TMEM165: variants seen among roughly 807,000 people sequenced by gnomAD.
TMEM165 encodes the protein transmembrane protein 165.
In TMEM165, 19 loss-of-function variants were observed where a neutral mutation model predicts 30.0. The ratio of observed to expected loss-of-function variants is 0.63; its 90% CI spans 0.44 to 0.93. The LOEUF (loss-of-function observed/expected upper bound fraction) is 0.93, where lower values mean the gene tolerates loss of function less well. TMEM165 is among the 40% of genes least tolerant of loss of function. TMEM165 has a pLI of 0.00. For synonymous variants in TMEM165, 168 were observed against 162.9 expected (o/e 1.03, Z -0.24); for missense variants, 340 against 417.0 (o/e 0.82, Z 1.61).
intron 1 of TMEM165, among the ~76,000 whole-genome samples, chr4:55,408,523 A>G (rs1004193425): frequency 1.8e-4 from 28 of 152,218 alleles, no homozygotes; most frequent in Non-Finnish European, 1.2e-4. Flanking sequence ...AAAACATAGA[A>G]AAGGTAAAGT....
Position 55,425,742 on chromosome 4 carries a change from T to C in TMEM165, c.*290T>C. On this transcript the variant is annotated 3_prime_UTR_variant, in exon 6 of 6. Coordinates refer to ENST00000381334, the MANE Select transcript of TMEM165 (RefSeq NM_018475.5). ...AACCGTTGTGCAGTGGGGTCTACCA[T>C]GCAATTTTCTTTCAGCACTGACCCC... 1 of 220,130 alleles carries C rather than the reference T, an allele frequency of 4.5e-6. No homozygotes were observed. Among genetic ancestry groups the C allele is most frequent in the Non-Finnish European group, 8.8e-6 (1 of 113,452 alleles). 13.6% of individuals were successfully genotyped at this position (220,130 alleles called of 1,614,324 possible).
intron 3 of TMEM165, chr4:55,435,718 T>G (rs1388400967): frequency 3.9e-5 from 37 of 951,686 alleles, no homozygotes; most frequent in Non-Finnish European, 5.8e-5. Flanking sequence ...TGCATATCAC[T>G]TTCACTCTCT....
intron 3 of TMEM165, chr4:55,434,428 C>T (rs1313714692): frequency 6.6e-6 from 1 of 152,548 alleles, no homozygotes; most frequent in East Asian, 1.9e-4. Flanking sequence ...AAACCATTTA[C>T]GCAAATATTT....
At position 55,425,599 on chromosome 4, in the gene TMEM165, T is replaced by C. The variant is rs1242908333; in HGVS notation, c.*147T>C. The C allele has an allele frequency of 5.0e-6, 3 of 602,602 alleles. No homozygotes were observed. The highest frequency in any genetic ancestry group is 4.6e-5 in the South Asian group (2 of 43,038). 37.3% of individuals were successfully genotyped at this position (602,602 alleles called of 1,614,324 possible). On this transcript the variant is annotated 3_prime_UTR_variant, in exon 6 of 6. Transcript: ENST00000381334. ...TTGACCCATTATTATGTCTGAGATA[T>C]AATCATTGATTCTATTTGTAACAAG...
chr4:55,425,323 G>A, intron 5 of TMEM165, 53 bp from the exon 6 acceptor site: 2 of 1,450,552 alleles, frequency 1.4e-6, no homozygotes, highest in Admixed American at 1.7e-5. Context: ...ATTTTGTACA[G>A]TATCAAGGTA....
intron 3 of TMEM165, among the ~76,000 whole-genome samples, chr4:55,436,958 GA>G (rs1456978960): frequency 7.7e-6 from 1 of 130,714 alleles, no homozygotes; most frequent in Non-Finnish European, 1.6e-5. Context: ...GACATACTTA[GA>G]AGACTGAGAT....
At chr4:55,404,842 GTGTA>G (rs1161587431) in intron 1 of TMEM165, among the ~76,000 whole-genome samples, 4 of 152,164 alleles carry the variant, frequency 2.6e-5, no homozygotes, top group African/African-American at 9.7e-5. Flanking sequence ...TCCATCTCAG[GTGTA>G]TGAACTTGGC....
At position 55,438,490 on chromosome 4, in the gene TMEM165, A is replaced by G; in HGVS notation, c.409-13749A>G. On this transcript the variant is annotated intron_variant, in intron 3 of 3. Coordinates refer to the TMEM165 transcript ENST00000608091. ...AGGTACCATGACTGCCCCACAAGCT[A>G]CAGGAGCAGTCACTAATTTGGTCAC... The G allele has an allele frequency of 1.9e-6, 3 of 1,613,830 alleles. No homozygotes were observed. The Admixed American group carries it at 5.0e-5, about 27-fold the overall frequency.
intron 1 of TMEM165, among the ~76,000 whole-genome samples, chr4:55,401,556 T>C (rs1289171753): frequency 6.6e-6 from 1 of 150,690 alleles, no homozygotes; most frequent in Non-Finnish European, 1.5e-5. Context: ...GTTATCATAT[T>C]TTTACTTTAT....
At chr4:55,402,457 T>C (rs1253924014) in intron 1 of TMEM165, among the ~76,000 whole-genome samples, 8 of 86,318 alleles carry the variant, frequency 9.3e-5, no homozygotes, top group Non-Finnish European at 1.8e-4. Context: ...TTTTTTTTTT[T>C]TTTTTTTTTT....
chr4:55,414,219 G>A (rs1041794391), intron 2 of TMEM165, among the ~76,000 whole-genome samples: 42 of 150,956 alleles, frequency 2.8e-4, no homozygotes, highest in African/African-American at 2.2e-4. Flanking sequence ...GTAGTGAGCC[G>A]AGATTGTGCC....
intron 4 of TMEM165, among the ~76,000 whole-genome samples, chr4:55,422,494 G>A (rs1369526533): frequency 6.6e-6 from 1 of 152,110 alleles, no homozygotes; most frequent in African/African-American, 2.4e-5. Flanking sequence ...CCAACCTCAG[G>A]TGATCTGCCT....
intron 2 of TMEM165, chr4:55,412,133 G>A (rs958398912): frequency 9.8e-6 from 4 of 409,320 alleles, no homozygotes; most frequent in Non-Finnish European, 1.8e-5. Flanking sequence ...AGTCACTCAC[G>A]CCTGTAATCC....
At chr4:55,448,836 T>C in intron 3 of TMEM165, 1 of 1,613,950 alleles carries the variant, frequency 6.2e-7, no homozygotes, top group Non-Finnish European at 8.5e-7. Context: ...CTGGCTGTGT[T>C]AATGATGAAC....
At chr4:55,420,146 T>TATATATATATATATATATATA (rs375498267) in intron 4 of TMEM165, among the ~76,000 whole-genome samples, 1 of 41,614 alleles carries the variant, frequency 2.4e-5, no homozygotes, top group Non-Finnish European at 4.2e-5. Flanking sequence ...TATTTATTTA[T>TATATATATATATATATATATA]TTTATTTATT....
At chr4:55,428,541 T>C (rs1376109106), downstream of TMEM165, 1 of 152,210 alleles carries the variant, frequency 6.6e-6, no homozygotes, top group East Asian at 1.9e-4. Context: ...TGGATTTCAA[T>C]TAAATCTTTG....
At chr4:55,449,866 C>T (rs1249891246) in intron 3 of TMEM165, among the ~76,000 whole-genome samples, 2 of 152,118 alleles carry the variant, frequency 1.3e-5, no homozygotes, top group Non-Finnish European at 2.9e-5. Context: ...TTAAAAACAT[C>T]ACCATCACCA....
At chr4:55,438,251 T>A (rs1431520629) in intron 3 of TMEM165, 11 of 1,613,336 alleles carry the variant, frequency 6.8e-6, no homozygotes, top group Non-Finnish European at 8.5e-6. Flanking sequence ...AGTAAATGAG[T>A]TTGAAGCAGC....
chr4:55,442,709 TTCTAACAA>T, intron 3 of TMEM165: 1 of 1,255,064 alleles, frequency 8.0e-7, no homozygotes, highest in Non-Finnish European at 1.1e-6. Flanking sequence ...GAATTCATCA[TTCTAACAA>T]TATGACAATA....
Sources: allele counts gnomAD v4.1 joint callset (sites outside exome capture counted in the v4.1 genomes callset), GRCh38; gene constraint gnomAD v4.1.1; transcripts MANE v1.5; gene names NCBI Gene and HGNC (gene_info 2026-07-23, HGNC 2026-07-21).